The following TNIK variants were observed in gnomAD, a reference collection of about 807,000 sequenced individuals.
TNIK encodes the protein TRAF2 and NCK interacting kinase, also known as TRAF2 and NCK-interacting protein kinase.
Under a neutral mutation model 191.3 loss-of-function variants are expected in TNIK, and 49 were observed. The ratio of observed to expected loss-of-function variants is 0.26; its 90% CI spans 0.20 to 0.32. The LOEUF is 0.32. TNIK is among the 10% of genes least tolerant of loss of function. TNIK has a pLI of 1.00. For synonymous variants in TNIK, 594 were observed against 600.9 expected, an observed-to-expected ratio of 0.99 and a Z score of 0.17; for missense variants, 1,155 against 1,702.3, an observed-to-expected ratio of 0.68 and a Z score of 5.66.
In TNIK at chr3:171,211,183, C is replaced by T. The variant is rs755888335; in HGVS notation, c.239G>A (p.Arg80Gln). 7.4e-6 allele frequency: 12 copies of T among 1,612,482 alleles called. No individual in the cohort carries two copies. Among genetic ancestry groups the T allele is most frequent in the African/African-American group, 6.7e-5 (5 of 74,832 alleles). ...AGCACCATAGTATGTAGCAATATTC[C>T]GGTGATGAGAATATTTCTTCAACAT... ...INMLKKYSHH[R>Q]NIATYYGAFI... The change falls in exon 4 of 33, where the codon CGG (arginine) becomes CAG (glutamine). Residue 80 changes from arginine (R) to glutamine (Q), a missense_variant. By Grantham distance (43) the Arg-to-Gln change is conservative. Transcript: ENST00000436636.
At chr3:171,419,418 A>G (rs1723481047) in intron 1 of TNIK, among the ~76,000 whole-genome samples, 1 of 152,204 alleles carries the variant, frequency 6.6e-6, no homozygotes, top group Non-Finnish European at 1.5e-5. Flanking sequence ...TCTAAAATTG[A>G]CTGTACTGAT....
chr3:171,387,677 G>A (rs1718911085), intron 1 of TNIK, among the ~76,000 whole-genome samples: 1 of 152,168 alleles, frequency 6.6e-6, no homozygotes, highest in African/African-American at 2.4e-5. Flanking sequence ...AACAATTGAA[G>A]TGAAAAATCT....
At chr3:171,270,540 A>G (rs550592411) in intron 2 of TNIK, among the ~76,000 whole-genome samples, 1 of 152,342 alleles carries the variant, frequency 6.6e-6, no homozygotes, top group South Asian at 2.1e-4. Context: ...AATTGAAATC[A>G]GACCCAAAGT....
At chr3:171,448,827 T>A (rs2108720554) in intron 1 of TNIK, among the ~76,000 whole-genome samples, 1 of 152,304 alleles carries the variant, frequency 6.6e-6, no homozygotes, top group Non-Finnish European at 1.5e-5. Flanking sequence ...TAGGTATACA[T>A]GTGCCATGGT....
In TNIK at chr3:171,159,312, G is replaced by A. The variant is rs1481857123; in HGVS notation, c.1017-1648C>T. On this transcript the variant is annotated intron_variant, in intron 11 of 32. Transcript: ENST00000436636. This position sits in a 1 kb window ranked among gnomAD's most constrained non-coding sequence, Gnocchi z 4.1. ...GGTTCTGTCTTGGTGGCTGGGTGAC[G>A]GTGGTAACGAGAACAGGAATGAGGA... Among the ~76,000 whole-genome samples, 1 of 152,072 alleles carries A rather than the reference G, an allele frequency of 6.6e-6. No homozygotes were observed. Among genetic ancestry groups the A allele is most frequent in the Non-Finnish European group, 1.5e-5 (1 of 68,018 alleles).
chr3:171,099,161 C>T (rs1212614466), intron 22 of TNIK, among the ~76,000 whole-genome samples: 2 of 152,144 alleles, frequency 1.3e-5, no homozygotes, highest in African/African-American at 2.4e-5. Context: ...CTTTTCAAAT[C>T]GTCTTGCTGA....
chr3:171,173,220 T>TG (rs767376024), intron 9 of TNIK, among the ~76,000 whole-genome samples: 1 of 133,152 alleles, frequency 7.5e-6, no homozygotes, highest in African/African-American at 2.8e-5. Context: ...CTGTCTCTAC[T>TG]AAAAAAAAAA....
rs759237430 is a variant in TNIK at position 171,126,073 on chromosome 3, C to A, written c.1852G>T (p.Gly618Cys). 6.2e-7 allele frequency: 1 copy of A among 1,612,170 alleles called. No individual in the cohort carries two copies. Among genetic ancestry groups the A allele is most frequent in the South Asian group, 1.1e-5 (1 of 90,884 alleles). Residue 618 changes from glycine (G) to cysteine (C), a missense_variant, in exon 17 of 33, where the codon GGC becomes TGC. By Grantham distance (159) the Gly-to-Cys change is radical. This residue lies in a region of TNIK where 735 missense variants were observed against 848.0 expected (regional missense o/e 0.87). Transcript: ENST00000436636. ...SQSVHEQPTK[G>C]LSGFQEALNV... ...AGAGCCTCCTGAAACCCAGAGAGGC[C>A]CTTTGTGGGCTGCTCGTGCACTGAC...
At position 171,122,756 on chromosome 3, in the gene TNIK, C is replaced by A. The variant is rs576846032; in HGVS notation, c.2120+840G>T. ...AAGAAGAAAACAGCCTGCCCAATCACATCCTTTTTATAGCCTTAGCAGAGG... is the reference window on the plus strand; with the variant it reads ...AAGAAGAAAACAGCCTGCCCAATCAAATCCTTTTTATAGCCTTAGCAGAGG... On this transcript the variant is annotated intron_variant, in intron 18 of 32. Transcript: ENST00000436636. Among the ~76,000 whole-genome samples the A allele has an allele frequency of 2.4e-3, 370 of 152,306 alleles. 2 individuals carry two copies. Among genetic ancestry groups the A allele is most frequent in the African/African-American group, 8.5e-3 (353 of 41,574 alleles).
At chr3:171,269,576 T>G (rs1041310951) in intron 2 of TNIK, among the ~76,000 whole-genome samples, 1 of 152,234 alleles carries the variant, frequency 6.6e-6, no homozygotes, top group Admixed American at 6.5e-5. Flanking sequence ...GTGGTGGCAC[T>G]CAAAACAGAA....
chr3:171,165,679 G>C (rs1734527520), intron 10 of TNIK, among the ~76,000 whole-genome samples: 1 of 152,188 alleles, frequency 6.6e-6, no homozygotes, highest in African/African-American at 2.4e-5. Flanking sequence ...AGAGAGGAGA[G>C]AAATGGAGAG....
chr3:171,113,227 A>G (rs1386726164), intron 18 of TNIK, among the ~76,000 whole-genome samples: 1 of 151,444 alleles, frequency 6.6e-6, no homozygotes, highest in Non-Finnish European at 1.5e-5. Flanking sequence ...GAGTCTTTGT[A>G]TTTTTTTTTA....
intron 23 of TNIK, among the ~76,000 whole-genome samples, chr3:171,093,458 G>C (rs1209930508): frequency 6.6e-6 from 1 of 152,130 alleles, no homozygotes; most frequent in Non-Finnish European, 1.5e-5. Flanking sequence ...AATCCACTAA[G>C]ATAAAACCAT....
intron 12 of TNIK, among the ~76,000 whole-genome samples, chr3:171,154,145 C>A (rs1732844383): frequency 6.6e-6 from 1 of 150,654 alleles, no homozygotes; most frequent in Non-Finnish European, 1.5e-5. Context: ...AAGCCTCAGT[C>A]ACAATAAAAA....
chr3:171,435,363 T>C (rs1423068751), intron 1 of TNIK, among the ~76,000 whole-genome samples: 1 of 152,142 alleles, frequency 6.6e-6, no homozygotes, highest in Non-Finnish European at 1.5e-5. Context: ...GTCAACTTCC[T>C]CTGAGAATGT....
rs186645068 is a variant in TNIK at position 171,408,497 on chromosome 3, C to A, written c.58-38812G>T. ...AGGACTTTTACTTAGGGTCAGGTGA[C>A]CAAGATTCTCTATGCAGGTCAGAAG... On this transcript the variant is annotated intron_variant, in intron 1 of 32. Coordinates refer to ENST00000436636, the MANE Select transcript of TNIK (RefSeq NM_015028.4). 2.0e-3 allele frequency among the ~76,000 whole-genome samples: 302 copies of A among 152,236 alleles called. 3 individuals carry two copies. The highest frequency in any genetic ancestry group is 5.4e-4 in the Non-Finnish European group (37 of 68,014).
intron 2 of TNIK, among the ~76,000 whole-genome samples, chr3:171,335,159 T>C (rs540514751): frequency 2.7e-4 from 41 of 152,304 alleles, no homozygotes; most frequent in African/African-American, 9.9e-4. Context: ...ATTTTATTCA[T>C]ATTTCTATCC....
intron 2 of TNIK, among the ~76,000 whole-genome samples, chr3:171,254,774 C>T (rs1161841278): frequency 6.6e-6 from 1 of 152,144 alleles, no homozygotes; most frequent in African/African-American, 2.4e-5. Context: ...GGGCAGATAA[C>T]ACAATAGCGA....
At chr3:171,318,786 A>C (rs1754895227) in intron 2 of TNIK, among the ~76,000 whole-genome samples, 1 of 152,212 alleles carries the variant, frequency 6.6e-6, no homozygotes, top group African/African-American at 2.4e-5. Context: ...AACACATTTC[A>C]TTCCAGTGGG....
Sources: allele counts gnomAD v4.1 joint callset (sites outside exome capture counted in the v4.1 genomes callset), GRCh38; gene constraint gnomAD v4.1.1; regional missense constraint gnomAD v4.1.1; non-coding constraint Gnocchi (gnomAD v3.1); transcripts MANE v1.5; gene names NCBI Gene and HGNC (gene_info 2026-07-23, HGNC 2026-07-21).